NEIL1: variants seen among roughly 807,000 people sequenced by gnomAD.
The protein encoded by NEIL1 is nei like DNA glycosylase 1.
A neutral mutation model predicts 44.2 loss-of-function variants in NEIL1; 31 were observed. That is an observed-to-expected ratio of 0.70 (90% CI 0.53 to 0.95). The LOEUF (loss-of-function observed/expected upper bound fraction) is 0.95, where lower values mean the gene tolerates loss of function less well. Among genes scored for constraint, NEIL1 ranks in the 40% least tolerant of loss-of-function variants. The pLI is 0.00. For synonymous variants in NEIL1, 254 were observed against 209.7 expected (o/e 1.21, Z -1.83); for missense variants, 549 against 515.5 (o/e 1.07, Z -0.63).
At position 75,352,179 on chromosome 15, in the gene NEIL1, AGAGGTT is replaced by A. The variant is rs2141314413; in HGVS notation, c.504_509del (p.Gln168_Phe170delinsHis). On this transcript the variant is annotated inframe_deletion, in exon 3 of 10. Coordinates refer to ENST00000355059, the MANE Select transcript of NEIL1 (RefSeq NM_024608.4). ...CCCATCTGCGAGGCCCTCCTGGACC[AGAGGTT>A]CTTCAATGGCATTGGCAACTATCTG... The A allele has an allele frequency of 6.2e-7, 1 of 1,614,246 alleles. No homozygotes were observed. Among genetic ancestry groups the A allele is most frequent in the East Asian group, 2.2e-5 (1 of 44,888 alleles).
intron 2 of NEIL1, among the ~76,000 whole-genome samples, chr15:75,350,691 C>T (rs1027733947): frequency 5.9e-5 from 9 of 152,176 alleles, no homozygotes; most frequent in African/African-American, 2.2e-4. Context: ...AGCACATCCC[C>T]AGGGAAACAT....
At position 75,356,925 on chromosome 15, in the gene NEIL1, ACTTGGTGGCCCTGTGCCCCT is replaced by A. The variant is rs1567270902; in HGVS notation, c.*1895_*1914del. On this transcript the variant is annotated 3_prime_UTR_variant, in exon 10 of 10. Coordinates refer to ENST00000355059, the MANE Select transcript of NEIL1 (RefSeq NM_024608.4). This position sits in a 1 kb window ranked among gnomAD's most constrained non-coding sequence, Gnocchi z 5.8. Reference sequence around the variant, plus strand: ...CACCTGGAGGGCAGATCCAAGACCCACTTGGTGGCCCTGTGCCCCTCTTTGTGCTCCCAGACTCCAGAGCT... The same window carrying A: ...CACCTGGAGGGCAGATCCAAGACCCACTTTGTGCTCCCAGACTCCAGAGCT... 1 of 1,595,694 alleles carries A rather than the reference ACTTGGTGGCCCTGTGCCCCT, an allele frequency of 6.3e-7. No homozygotes were observed. Among genetic ancestry groups the A allele is most frequent in the East Asian group, 2.2e-5 (1 of 44,750 alleles).
Position 75,355,884 on chromosome 15 carries a change from A to C in NEIL1, c.*850A>C. ...TAGGAGTCCCCAGAGCCTTCTACAAACAAAACCCCAGCCCCAGGGACTCAG... is the reference window on the plus strand; with the variant it reads ...TAGGAGTCCCCAGAGCCTTCTACAACCAAAACCCCAGCCCCAGGGACTCAG... On this transcript the variant is annotated 3_prime_UTR_variant, in exon 10 of 10. Coordinates refer to ENST00000355059, the MANE Select transcript of NEIL1 (RefSeq NM_024608.4). 1 of 1,612,814 alleles carries C rather than the reference A, an allele frequency of 6.2e-7. No homozygotes were observed.
Position 75,355,137 on chromosome 15 carries a change from C to A in NEIL1, c.*103C>A. The A allele has an allele frequency of 1.1e-6, 1 of 913,814 alleles. No individual in the cohort carries two copies. The highest frequency in any genetic ancestry group is 1.7e-6 in the Non-Finnish European group (1 of 587,540). The allele number at this position is 913,814 out of a possible 1,614,324, so 56.6% of individuals were successfully genotyped here. A position where few individuals can be genotyped will look rare whatever the true frequency, so the allele number is the denominator to read the frequency against. On this transcript the variant is annotated 3_prime_UTR_variant, in exon 10 of 10. Coordinates refer to ENST00000355059, the MANE Select transcript of NEIL1 (RefSeq NM_024608.4). ...GGCAATATCTGAAGGTGCAAACAGG[C>A]CCTACGGCTGTTCCCTGCACAACTC...
chr15:75,352,911 G>C (rs994437372), intron 5 of NEIL1: 2 of 515,304 alleles, frequency 3.9e-6, no homozygotes, highest in Non-Finnish European at 7.1e-6. Context: ...AGGCCGAGTG[G>C]GGTGGCTCAC....
At position 75,355,504 on chromosome 15, in the gene NEIL1, T is replaced by A; in HGVS notation, c.*470T>A. 4.1e-6 allele frequency: 1 copy of A among 241,732 alleles called. No individual in the cohort carries two copies. 15.0% of individuals were successfully genotyped at this position (241,732 alleles called of 1,614,324 possible). A position where few individuals can be genotyped will look rare whatever the true frequency, so the allele number is the denominator to read the frequency against. On this transcript the variant is annotated 3_prime_UTR_variant, in exon 10 of 10. Coordinates refer to ENST00000355059, the MANE Select transcript of NEIL1 (RefSeq NM_024608.4). ...AGGGTCCAGGGCTGCCCCCTCATCC[T>A]GGCAGGAGCCAGGCAAAACCCACCC...
At position 75,353,493 on chromosome 15, in the gene NEIL1, C is replaced by T. The variant is rs5745924; in HGVS notation, c.719-246C>T. The T allele has an allele frequency of 8.8e-4, 499 of 567,902 alleles. 4 individuals carry two copies. In the East Asian group the frequency reaches 9.8e-3, roughly 11 times the overall value. The allele number at this position is 567,902 out of a possible 1,614,324, so 35.2% of individuals were successfully genotyped here. On this transcript the variant is annotated intron_variant, in intron 5 of 9. Coordinates refer to ENST00000355059, the MANE Select transcript of NEIL1 (RefSeq NM_024608.4). ...CTCCCATCTAAGCTTCCCAAAGTGTCGGGATTACAGGTGTGGCCACTGCAC... is the reference window on the plus strand; with the variant it reads ...CTCCCATCTAAGCTTCCCAAAGTGTTGGGATTACAGGTGTGGCCACTGCAC...
chr15:75,350,015 A>G (rs2071757709), intron 2 of NEIL1, among the ~76,000 whole-genome samples: 1 of 152,176 alleles, frequency 6.6e-6, no homozygotes, highest in Admixed American at 6.5e-5. Context: ...GCTGAGCGGA[A>G]TTGTTTCAAG....
At position 75,353,224 on chromosome 15, in the gene NEIL1, TACACACACAC is replaced by T. The variant is rs10653888; in HGVS notation, c.719-498_719-489del. The T allele has an allele frequency of 8.6e-5, 14 of 163,014 alleles. 1 individual carries two copies. Among genetic ancestry groups the T allele is most frequent in the East Asian group, 4.9e-4 (3 of 6,146 alleles). The allele number at this position is 163,014 out of a possible 1,614,324, so 10.1% of individuals were successfully genotyped here. On this transcript the variant is annotated intron_variant, in intron 5 of 9. Transcript: ENST00000355059. ...GGACAAGGATTCTTTTATATATTTA[TACACACACAC>T]ACACACACACACACACGCACGTTTA...
chr15:75,354,868 G>C, intron 9 of NEIL1, 50 bp downstream of exon 9: 1 of 1,613,230 alleles, frequency 6.2e-7, no homozygotes, highest in Non-Finnish European at 8.5e-7. Context: ...GAGAGGATGG[G>C]ATGGTGGCCT....
chr15:75,355,729 C>A lies in NEIL1; in HGVS notation c.*695C>A. The A allele has an allele frequency of 9.2e-6, 5 of 545,478 alleles. No homozygotes were observed. Among genetic ancestry groups the A allele is most frequent in the East Asian group, 4.1e-5 (1 of 24,434 alleles). 33.8% of individuals were successfully genotyped at this position (545,478 alleles called of 1,614,324 possible). On this transcript the variant is annotated 3_prime_UTR_variant, in exon 10 of 10. Coordinates refer to ENST00000355059, the MANE Select transcript of NEIL1 (RefSeq NM_024608.4). ...ACCAAATACCTGGGAAGCCATCCCA[C>A]CCCAGACTTCCCACCCCCACCCCAA... is the stretch of plus-strand genomic sequence containing the variant.
chr15:75,353,153 A>C (rs954140507), intron 5 of NEIL1: 3 of 183,750 alleles, frequency 1.6e-5, no homozygotes, highest in Non-Finnish European at 3.5e-5. Context: ...AAAAAAAAAA[A>C]AAACAAAAAA....
At chr15:75,353,937 C>G in intron 6 of NEIL1, 71 bp downstream of exon 6, 3 of 1,586,006 alleles carry the variant, frequency 1.9e-6, no homozygotes, top group East Asian at 2.2e-5. Flanking sequence ...GTCACAATAA[C>G]TGGGGTGGTG....
chr15:75,351,368 A>G, intron 2 of NEIL1: 1 of 404,016 alleles, frequency 2.5e-6, no homozygotes, highest in Non-Finnish European at 4.8e-6. Context: ...CTTAACCTCC[A>G]GGGCTCAGGT....
chr15:75,355,616 T>G lies in NEIL1; in HGVS notation c.*582T>G. The G allele has an allele frequency of 1.4e-5, 5 of 363,488 alleles. No homozygotes were observed. The highest frequency in any genetic ancestry group is 6.0e-5 in the East Asian group (1 of 16,598). 22.5% of individuals were successfully genotyped at this position (363,488 alleles called of 1,614,324 possible). On this transcript the variant is annotated 3_prime_UTR_variant, in exon 10 of 10. Transcript: ENST00000355059. ...TCAACTCATGGTCTCTTCACTGGCT[T>G]TTGGTGGCTCGAGGTCCCCAGTCTC...
chr15:75,353,911 T>A (rs2072133517), intron 6 of NEIL1, 45 bp downstream of exon 6: 1 of 1,608,824 alleles, frequency 6.2e-7, no homozygotes, highest in African/African-American at 1.3e-5. Flanking sequence ...AGGAGGCTGA[T>A]GGGTGGAAAC....
At chr15:75,348,276 G>A in intron 1 of NEIL1, 1 of 968,864 alleles carries the variant, frequency 1.0e-6, no homozygotes, top group South Asian at 4.8e-5. Flanking sequence ...CCAAGCGGCC[G>A]ATTCGGCCGC....
In NEIL1 at chr15:75,349,127, C is replaced by T. The variant is rs1237967822; in HGVS notation, c.222C>T (p.Ala74=). 9 of 1,611,080 alleles carry T rather than the reference C, an allele frequency of 5.6e-6. 1 individual carries two copies. The highest frequency in any genetic ancestry group is 7.6e-6 in the Non-Finnish European group (9 of 1,179,950). The change falls in exon 2 of 10, where the codon GCC becomes GCT. Residue 74 remains alanine (A), a synonymous_variant. Transcript: ENST00000355059. ...CCCAGCCCCAACAGGAGCCACTGGC[C>T]CTGGTCTTCCGCTTCGGCATGTCCG... ...PGAQPQQEPL[A]LVFRFGMSGS...
At position 75,349,231 on chromosome 15, in the gene NEIL1, G is replaced by A. The variant is rs762314022; in HGVS notation, c.326G>A (p.Arg109Gln). ...TTTTACACGGCCCCGCCTGGCCCCC[G>A]GCTCGCCCTATGTTTCGTGGACATC... is the stretch of plus-strand genomic sequence containing the variant. ...LRFYTAPPGP[R>Q]LALCFVDIRR... The change falls in exon 2 of 10, where the codon CGG (arginine) becomes CAG (glutamine). Residue 109 changes from arginine to glutamine, a missense_variant. Transcript: ENST00000355059. 1.4e-5 allele frequency: 23 copies of A among 1,610,156 alleles called. No individual in the cohort carries two copies. The highest frequency in any genetic ancestry group is 2.7e-5 in the African/African-American group (2 of 74,936).
Sources: gnomAD v4.1 joint callset for allele counts (sites outside exome capture counted in the v4.1 genomes callset) on GRCh38, gnomAD v4.1.1 for gene constraint, Gnocchi (gnomAD v3.1) non-coding constraint, MANE v1.5 for transcripts, NCBI Gene and HGNC (gene_info 2026-07-23, HGNC 2026-07-21) for gene names.